The following ARK2C variants were observed in gnomAD, a reference collection of about 807,000 sequenced individuals.
The protein encoded by ARK2C is arkadia (RNF111) C-terminal like ring finger ubiquitin ligase 2C.
the ARK2C span, among the ~76,000 whole-genome samples, chr18:46,453,007 G>A: frequency 6.6e-6 from 1 of 152,186 alleles, no homozygotes; most frequent in African/African-American, 2.4e-5. Context: ...TTGGCACAGT[G>A]CCTGGTATCT....
chr18:46,364,813 C>T, the ARK2C span, among the ~76,000 whole-genome samples: 3 of 152,164 alleles, frequency 2.0e-5, no homozygotes, highest in Non-Finnish European at 4.4e-5. Context: ...GTCAGGTCCA[C>T]TGGATATCTC....
At chr18:46,448,575 C>G in the ARK2C span, among the ~76,000 whole-genome samples, 3 of 152,148 alleles carry the variant, frequency 2.0e-5, no homozygotes, top group African/African-American at 4.8e-5. Context: ...TTTCACTAAT[C>G]TGTGAAATGG....
the ARK2C span, among the ~76,000 whole-genome samples, chr18:46,428,204 A>T: frequency 6.6e-6 from 1 of 152,008 alleles, no homozygotes; most frequent in East Asian, 1.9e-4. Flanking sequence ...AGGTCAGGAG[A>T]TCAAGACCAT....
At chr18:46,434,639 G>T in the ARK2C span, among the ~76,000 whole-genome samples, 2 of 152,152 alleles carry the variant, frequency 1.3e-5, no homozygotes, top group African/African-American at 2.4e-5. Flanking sequence ...CACCTGAAAG[G>T]GTTGCAGGGA....
At chr18:46,444,795 T>C in the ARK2C span, among the ~76,000 whole-genome samples, 25 of 152,286 alleles carry the variant, frequency 1.6e-4, 1 homozygote, top group African/African-American at 5.3e-4. Context: ...TTTTTATTGT[T>C]GTGTCTTAAA....
At chr18:46,362,006 G>A in the ARK2C span, among the ~76,000 whole-genome samples, 1 of 152,240 alleles carries the variant, frequency 6.6e-6, no homozygotes, top group Non-Finnish European at 1.5e-5. Flanking sequence ...GGATTTCAAA[G>A]GCATTTACAG....
At chr18:46,351,949 GT>G in the ARK2C span, among the ~76,000 whole-genome samples, 1 of 152,334 alleles carries the variant, frequency 6.6e-6, no homozygotes, top group East Asian at 1.9e-4. Context: ...CATCTACGCA[GT>G]TTTTCTCCTA....
At chr18:46,379,147 A>G in the ARK2C span, among the ~76,000 whole-genome samples, 11 of 152,282 alleles carry the variant, frequency 7.2e-5, no homozygotes, top group South Asian at 2.3e-3. Context: ...CAGGCCCCCC[A>G]ACCCTCTGAT....
the ARK2C span, among the ~76,000 whole-genome samples, chr18:46,351,768 G>C: frequency 6.6e-6 from 1 of 152,176 alleles, no homozygotes; most frequent in African/African-American, 2.4e-5. Context: ...TGGACCCCAA[G>C]CTCATGCTCT....
the ARK2C span, among the ~76,000 whole-genome samples, chr18:46,426,271 C>G: frequency 6.6e-6 from 1 of 152,216 alleles, no homozygotes; most frequent in African/African-American, 2.4e-5. Flanking sequence ...TGTTACTTAT[C>G]AGATGAGTGT....
the ARK2C span, chr18:46,433,460 A>C: frequency 6.2e-7 from 1 of 1,612,774 alleles, no homozygotes; most frequent in Non-Finnish European, 8.5e-7. Flanking sequence ...CTCCTGCAGC[A>C]GCAGCTCCTG....
chr18:46,419,639 G>A, the ARK2C span, among the ~76,000 whole-genome samples: 6 of 152,192 alleles, frequency 3.9e-5, no homozygotes, highest in South Asian at 2.1e-4. Flanking sequence ...AGTGGGCAGC[G>A]CACAGCTGGA....
chr18:46,406,589 C>A, the ARK2C span, among the ~76,000 whole-genome samples: 2 of 152,198 alleles, frequency 1.3e-5, no homozygotes, highest in African/African-American at 4.8e-5. Context: ...CCAGGGTCTC[C>A]CTGCCAGGAG....
chr18:46,356,946 T>C, the ARK2C span, among the ~76,000 whole-genome samples: 1 of 152,180 alleles, frequency 6.6e-6, no homozygotes, highest in African/African-American at 2.4e-5. Context: ...GTGCCCTGCA[T>C]TGCAATGCTG....
At chr18:46,360,767 C>T in the ARK2C span, among the ~76,000 whole-genome samples, 5 of 152,132 alleles carry the variant, frequency 3.3e-5, no homozygotes, top group East Asian at 1.9e-4. Flanking sequence ...CCTGGGCACA[C>T]GAGGCGGGTA....
the ARK2C span, among the ~76,000 whole-genome samples, chr18:46,425,450 C>G: frequency 5.3e-5 from 8 of 152,320 alleles, no homozygotes; most frequent in Admixed American, 2.0e-4. Flanking sequence ...TTCAGGCTGC[C>G]TGTTCTTCCC....
At chr18:46,358,981 G>T in the ARK2C span, among the ~76,000 whole-genome samples, 3 of 152,186 alleles carry the variant, frequency 2.0e-5, no homozygotes, top group Admixed American at 6.5e-5. Context: ...ATGCCACTGT[G>T]TGGGTCAGGA....
the ARK2C span, among the ~76,000 whole-genome samples, chr18:46,345,627 G>A: frequency 6.6e-6 from 1 of 152,214 alleles, no homozygotes; most frequent in Non-Finnish European, 1.5e-5. Flanking sequence ...AACAGGGCTT[G>A]GGCCTGCTGC....
At chr18:46,406,899 T>C in the ARK2C span, among the ~76,000 whole-genome samples, 1 of 147,790 alleles carries the variant, frequency 6.8e-6, no homozygotes, top group Non-Finnish European at 1.5e-5. Context: ...CTTACCCTGA[T>C]GGGACACATA....
Sources: allele counts gnomAD v4.1 joint callset (sites outside exome capture counted in the v4.1 genomes callset), GRCh38; gene constraint gnomAD v4.1.1; transcripts MANE v1.5; gene names NCBI Gene and HGNC (gene_info 2026-07-23, HGNC 2026-07-21).